PLCG2: variants seen among roughly 807,000 people sequenced by gnomAD.
PLCG2 encodes phospholipase C gamma 2.
A neutral mutation model predicts 175.6 loss-of-function variants in PLCG2; 69 were observed. The ratio of observed to expected loss-of-function variants is 0.39; its 90% CI spans 0.32 to 0.48. The LOEUF is 0.48. PLCG2 is among the 20% of genes least tolerant of loss of function. The probability of loss-of-function intolerance (pLI) is 0.91; values close to 1 mark genes in which losing one functional copy is unlikely to be tolerated. For synonymous variants in PLCG2, 827 were observed against 624.0 expected (o/e 1.33, Z -4.85); for missense variants, 1,798 against 1,650.9 (o/e 1.09, Z -1.54).
chr16:81,816,038 G>C (rs1421751989), intron 2 of PLCG2, among the ~76,000 whole-genome samples: 1 of 149,186 alleles, frequency 6.7e-6, no homozygotes. Context: ...CTTCAGCCTG[G>C]GTGACAGAGC....
Position 81,748,919 on chromosome 16 carries a change from C to A in PLCG2, c.-144-6951C>A, listed in dbSNP as rs115008542. Among the ~76,000 whole-genome samples, 1,249 of 152,316 alleles carry A rather than the reference C, an allele frequency of 8.2e-3. 15 individuals carry two copies. The highest frequency in any genetic ancestry group is 0.028 in the African/African-American group (1,164 of 41,564). The stretch of plus-strand genomic sequence containing the variant: ...AGAGCTGGGATTGAAACAGTCTTGA[C>A]TATGACTGTACCTGGCTCCTTCCCT... On this transcript the variant is annotated intron_variant, in intron 1 of 5. Transcript: ENST00000565054.
intron 16 of PLCG2, among the ~76,000 whole-genome samples, chr16:81,908,201 G>A (rs997986940): frequency 6.6e-6 from 1 of 152,214 alleles, no homozygotes; most frequent in African/African-American, 2.4e-5. Flanking sequence ...CAGGATGCCA[G>A]GAGGCCACCA....
At chr16:81,862,483 T>A (rs1383344131) in intron 5 of PLCG2, among the ~76,000 whole-genome samples, 3 of 152,258 alleles carry the variant, frequency 2.0e-5, no homozygotes, top group Non-Finnish European at 4.4e-5. Flanking sequence ...GTGACTTGAC[T>A]AAAGCAGCCC....
At chr16:81,950,615 G>A (rs181973961) in intron 31 of PLCG2, among the ~76,000 whole-genome samples, 81 of 152,204 alleles carry the variant, frequency 5.3e-4, no homozygotes, top group South Asian at 1.2e-3. Flanking sequence ...GATTGCATTC[G>A]TTAGAAAACT....
chr16:81,820,240 C>G lies in PLCG2; in HGVS notation c.193+34058C>G, dbSNP rs149282468. On this transcript the variant is annotated intron_variant, in intron 2 of 32. Transcript: ENST00000564138. ...ATGTGTAGACATGTGTAACCACCAC[C>G]CTAATTGAGACACAGAACACCTTCC... Among the ~76,000 whole-genome samples, 751 of 152,232 alleles carry G rather than the reference C, an allele frequency of 4.9e-3. 6 individuals carry two copies. Among genetic ancestry groups the G allele is most frequent in the African/African-American group, 0.017 (724 of 41,534 alleles).
At chr16:81,928,802 C>A in intron 24 of PLCG2, 178 bp downstream of exon 24, 1 of 553,084 alleles carries the variant, frequency 1.8e-6, no homozygotes, top group Non-Finnish European at 3.3e-6. Flanking sequence ...GCTATGTCTG[C>A]TATTAATCTC....
upstream of PLCG2, among the ~76,000 whole-genome samples, chr16:81,774,297 C>T (rs544603534): frequency 1.3e-5 from 2 of 150,914 alleles, no homozygotes; most frequent in South Asian, 2.1e-4. Context: ...TTGCAGTGAG[C>T]TGAGATCCAA....
At chr16:81,948,674 T>G (rs1911247305) in intron 31 of PLCG2, among the ~76,000 whole-genome samples, 1 of 152,192 alleles carries the variant, frequency 6.6e-6, no homozygotes, top group African/African-American at 2.4e-5. Context: ...TGGGAAAGAT[T>G]TCCTTACACC....
At chr16:81,946,976 C>T (rs756472475) in intron 31 of PLCG2, among the ~76,000 whole-genome samples, 27 of 152,074 alleles carry the variant, frequency 1.8e-4, no homozygotes, top group Admixed American at 7.9e-4. Context: ...ATCTATTGCC[C>T]GGGGAAAGGG....
chr16:81,931,552 G>A lies in PLCG2; in HGVS notation c.2637G>A (p.Lys879=), dbSNP rs757806779. ...CCTTTGTCTTCATCCTGGAGCCCAA[G>A]CAGCAGGGCGATCCTCCGGTGGAGT... The part of the protein sequence containing the change: ...QKSFVFILEP[K]QQGDPPVEFA... The change falls in exon 25 of 33, where the codon AAG becomes AAA. Residue 879 remains lysine (K), a synonymous_variant. Coordinates refer to ENST00000564138, the MANE Select transcript of PLCG2 (RefSeq NM_002661.5). 1 of 1,613,978 alleles carries A rather than the reference G, an allele frequency of 6.2e-7. No individual in the cohort carries two copies. The highest frequency in any genetic ancestry group is 1.3e-5 in the African/African-American group (1 of 74,926).
chr16:81,852,720 C>T (rs1327295933), intron 2 of PLCG2, among the ~76,000 whole-genome samples: 3 of 152,184 alleles, frequency 2.0e-5, no homozygotes, highest in African/African-American at 7.2e-5. Flanking sequence ...AGACAACAAT[C>T]ATTTTATTTA....
intron 7 of PLCG2, among the ~76,000 whole-genome samples, chr16:81,879,805 G>C (rs999696064): frequency 6.6e-6 from 1 of 152,184 alleles, no homozygotes; most frequent in Non-Finnish European, 1.5e-5. Flanking sequence ...GTAGAAGCTG[G>C]AGGGAGGGGT....
At chr16:81,815,613 C>T (rs1375186583) in intron 2 of PLCG2, among the ~76,000 whole-genome samples, 1 of 152,198 alleles carries the variant, frequency 6.6e-6, no homozygotes, top group African/African-American at 2.4e-5. Flanking sequence ...GCTCAAAAGC[C>T]ACTCAGAACA....
chr16:81,787,363 G>T (rs1911017841), intron 2 of PLCG2, among the ~76,000 whole-genome samples: 1 of 149,420 alleles, frequency 6.7e-6, no homozygotes, highest in African/African-American at 2.5e-5. Flanking sequence ...CTGGGACCAT[G>T]GGAATGCACC....
chr16:81,756,724 G>A (rs537567322), intron 2 of PLCG2, among the ~76,000 whole-genome samples: 23 of 152,310 alleles, frequency 1.5e-4, no homozygotes, highest in Non-Finnish European at 2.4e-4. Flanking sequence ...TACAGATAAG[G>A]AGCTGAGAGC....
upstream of PLCG2, among the ~76,000 whole-genome samples, chr16:81,778,740 A>G (rs1272093176): frequency 6.6e-6 from 1 of 152,200 alleles, no homozygotes; most frequent in Non-Finnish European, 1.5e-5. Flanking sequence ...GCGCAGCCTC[A>G]ACGAGGGCTT....
rs762414923 is a variant in PLCG2 at position 81,919,578 on chromosome 16, G to A, written c.2149G>A (p.Val717Ile). The A allele has an allele frequency of 2.2e-5, 35 of 1,613,986 alleles. No homozygotes were observed. The highest frequency in any genetic ancestry group is 2.8e-5 in the Non-Finnish European group (33 of 1,179,994). Residue 717 changes from valine to isoleucine, a missense_variant, in exon 20 of 33, where the codon GTC (valine) becomes ATC (isoleucine). Transcript: ENST00000564138. Reference protein sequence around the residue: ...SAYFESLVELVSYYEKHSLYR... With the variant: ...SAYFESLVELISYYEKHSLYR... The stretch of plus-strand genomic sequence containing the variant: ...CTATTTTGAGAGTCTGGTGGAGCTC[G>A]TCAGTTACTACGAGAAGCATTCACT...
intron 1 of PLCG2, among the ~76,000 whole-genome samples, chr16:81,744,725 C>A (rs566075064): frequency 5.3e-5 from 8 of 152,158 alleles, no homozygotes; most frequent in African/African-American, 1.7e-4. Flanking sequence ...GCATGGGTCA[C>A]CATACCCAGC....
chr16:81,825,680 G>C (rs1417345862), intron 2 of PLCG2, among the ~76,000 whole-genome samples: 1 of 152,206 alleles, frequency 6.6e-6, no homozygotes, highest in Admixed American at 6.5e-5. Context: ...GGCAAAAATT[G>C]TGACAACTTT....
Sources: gnomAD v4.1 joint callset for allele counts (sites outside exome capture counted in the v4.1 genomes callset) on GRCh38, gnomAD v4.1.1 for gene constraint, MANE v1.5 for transcripts, NCBI Gene and HGNC (gene_info 2026-07-23, HGNC 2026-07-21) for gene names.